The following SMCO2 variants were observed in gnomAD, a reference collection of about 807,000 sequenced individuals.
SMCO2 encodes single-pass membrane protein with coiled-coil domains 2.
Under a neutral mutation model 29.5 loss-of-function variants are expected in SMCO2, and 25 were observed. That is an observed-to-expected ratio of 0.85 (90% CI 0.62 to 1.18). The LOEUF (loss-of-function observed/expected upper bound fraction) is 1.18, where lower values mean the gene tolerates loss of function less well. Ranked by LOEUF, SMCO2 falls within the 50% of genes most tolerant of loss-of-function variation. The pLI is 0.00. For synonymous variants in SMCO2, 117 were observed against 123.3 expected, an observed-to-expected ratio of 0.95 and a Z score of 0.34; for missense variants, 348 against 344.5, an observed-to-expected ratio of 1.01 and a Z score of -0.08.
At chr12:27,446,811 G>A in the SMCO2 span, among the ~76,000 whole-genome samples, 6 of 152,014 alleles carry the variant, frequency 3.9e-5, no homozygotes, top group Admixed American at 2.0e-4. Flanking sequence ...GCCCACTCCC[G>A]GAGTTCCTGA....
At position 27,495,660 on chromosome 12, in the gene SMCO2, T is replaced by C; in HGVS notation, c.508-20T>C. On this transcript the variant is annotated intron_variant, in intron 6 of 7. Coordinates refer to ENST00000298876, the Ensembl canonical transcript of SMCO2. ...ACATTTAGAATTTTTTTAAGGTACT[T>C]GATTACTCTTTTTTTTCAGGACCTT... The C allele has an allele frequency of 6.9e-7, 1 of 1,451,026 alleles. No individual in the cohort carries two copies. 89.9% of individuals were successfully genotyped at this position (1,451,026 alleles called of 1,614,324 possible). A position where few individuals can be genotyped will look rare whatever the true frequency, so the allele number is the denominator to read the frequency against.
In SMCO2 at chr12:27,472,129, T is replaced by C. The variant is rs149805892; in HGVS notation, c.135-647T>C. Among the ~76,000 whole-genome samples the C allele has an allele frequency of 1.4e-3, 213 of 152,320 alleles. 2 individuals carry two copies. Among genetic ancestry groups the C allele is most frequent in the African/African-American group, 4.9e-3 (202 of 41,588 alleles). On this transcript the variant is annotated intron_variant, in intron 2 of 7. Transcript: ENST00000298876. The stretch of plus-strand genomic sequence containing the variant: ...ATTTTAAAAACGAAGCCGCTCTGTA[T>C]GTGCTAATATGAAATGGACTCCAAA...
At chr12:27,487,082 T>C (rs1162962559) in intron 4 of SMCO2, among the ~76,000 whole-genome samples, 1 of 152,214 alleles carries the variant, frequency 6.6e-6, no homozygotes, top group East Asian at 1.9e-4. Flanking sequence ...TTATTCAGAC[T>C]TCACCATTTA....
At chr12:27,456,104 A>T in the SMCO2 span, among the ~76,000 whole-genome samples, 6 of 152,134 alleles carry the variant, frequency 3.9e-5, no homozygotes, top group African/African-American at 1.4e-4. Context: ...AATCCCAGCT[A>T]CTCGGGAGGC....
intron 5 of SMCO2, 174 bp from the exon 7 acceptor site, chr12:27,494,126 C>G (rs1310669518): frequency 9.2e-6 from 4 of 437,130 alleles, no homozygotes; most frequent in African/African-American, 8.4e-5. Flanking sequence ...ATACCACTTA[C>G]AGTCTGCAAT....
At chr12:27,486,163 C>T (rs1949687556) in intron 4 of SMCO2, among the ~76,000 whole-genome samples, 1 of 152,150 alleles carries the variant, frequency 6.6e-6, no homozygotes, top group African/African-American at 2.4e-5. Flanking sequence ...TTTATCACAC[C>T]TGTGTGCTAA....
chr12:27,444,240 T>C, the SMCO2 span, among the ~76,000 whole-genome samples: 2 of 152,102 alleles, frequency 1.3e-5, no homozygotes, highest in Admixed American at 6.5e-5. Flanking sequence ...GAACATACAA[T>C]AGGGAAAGGA....
chr12:27,437,485 C>T, the SMCO2 span, among the ~76,000 whole-genome samples: 37 of 151,972 alleles, frequency 2.4e-4, no homozygotes, highest in African/African-American at 8.2e-4. Context: ...GTTGATTTTG[C>T]CCACACCTAC....
chr12:27,478,121 T>A (rs1949606245), intron 4 of SMCO2, among the ~76,000 whole-genome samples: 1 of 152,210 alleles, frequency 6.6e-6, no homozygotes, highest in Non-Finnish European at 1.5e-5. Flanking sequence ...GCTTTGGCTT[T>A]GATTATTGGT....
At chr12:27,494,243 G>T in intron 5 of SMCO2, 57 bp from the exon 7 acceptor site, 1 of 1,173,148 alleles carries the variant, frequency 8.5e-7, no homozygotes, top group Non-Finnish European at 1.2e-6. Flanking sequence ...AGATTTTATT[G>T]TACAAACCAG....
rs937299924 is a variant in SMCO2, at chr12:27,494,343, T to C, written c.494T>C (p.Ile165Thr). ...GTTTATGAATTAAAGAAGAAAGTCA[T>C]AGAAAGGCTGGAGGTAAGATTTCAG... The change falls in exon 6 of 8, where the codon ATA becomes ACA. Residue 165 changes from isoleucine to threonine, a missense_variant. Ile to Thr is a moderately conservative substitution (Grantham distance 89). Transcript: ENST00000298876. The C allele has an allele frequency of 3.3e-6, 5 of 1,524,730 alleles. No homozygotes were observed. The African/African-American group carries it at 5.6e-5, about 17-fold the overall frequency. The allele number at this position is 1,524,730 out of a possible 1,614,324, so 94.5% of individuals were successfully genotyped here. A position where few individuals can be genotyped will look rare whatever the true frequency, so the allele number is the denominator to read the frequency against.
chr12:27,433,701 A>T, the SMCO2 span, among the ~76,000 whole-genome samples: 1 of 152,266 alleles, frequency 6.6e-6, no homozygotes, highest in African/African-American at 2.4e-5. Flanking sequence ...TTAATTGGAT[A>T]TCTAGCTGGT....
chr12:27,487,333 C>G (rs1258044348), intron 4 of SMCO2, among the ~76,000 whole-genome samples: 7 of 151,918 alleles, frequency 4.6e-5, no homozygotes, highest in Non-Finnish European at 1.0e-4. Flanking sequence ...GTTTGTCCTT[C>G]TGAGATTGGC....
the SMCO2 span, among the ~76,000 whole-genome samples, chr12:27,452,903 A>G: frequency 6.6e-6 from 1 of 152,166 alleles, no homozygotes; most frequent in Non-Finnish European, 1.5e-5. Context: ...CACATCACTA[A>G]GGGACCACCT....
exon 1 of SMCO2, chr12:27,466,889 C>G (rs986694567): frequency 6.6e-6 from 1 of 152,234 alleles, no homozygotes; most frequent in Non-Finnish European, 1.5e-5. Flanking sequence ...ACCACTGGAA[C>G]AGGAAAACTT....
At chr12:27,440,597 G>A in the SMCO2 span, among the ~76,000 whole-genome samples, 2 of 147,390 alleles carry the variant, frequency 1.4e-5, no homozygotes, top group African/African-American at 5.0e-5. Flanking sequence ...GCAACTAAAA[G>A]TCAAAATGTG....
the SMCO2 span, among the ~76,000 whole-genome samples, chr12:27,443,493 G>A: frequency 4.1e-4 from 62 of 152,262 alleles, no homozygotes; most frequent in African/African-American, 1.2e-3. Context: ...GTTATTCAAC[G>A]TAATATTGGA....
At chr12:27,449,984 A>G in the SMCO2 span, among the ~76,000 whole-genome samples, 3 of 152,106 alleles carry the variant, frequency 2.0e-5, no homozygotes, top group Non-Finnish European at 4.4e-5. Flanking sequence ...ACCTCCATCC[A>G]TTCATCGGCC....
the SMCO2 span, among the ~76,000 whole-genome samples, chr12:27,427,711 C>T: frequency 6.6e-6 from 1 of 152,134 alleles, no homozygotes. Flanking sequence ...TGATGGTTGA[C>T]TCCCTAGAAT....
Sources: allele counts gnomAD v4.1 joint callset (sites outside exome capture counted in the v4.1 genomes callset), GRCh38; gene constraint gnomAD v4.1.1; transcripts MANE v1.5; gene names NCBI Gene and HGNC (gene_info 2026-07-23, HGNC 2026-07-21).